CAMK1D: variants seen among roughly 807,000 people sequenced by gnomAD.
CAMK1D encodes calcium/calmodulin-dependent protein kinase type 1D.
In CAMK1D, 9 loss-of-function variants were observed where a neutral mutation model predicts 47.7. The ratio of observed to expected loss-of-function variants is 0.19; its 90% confidence interval spans 0.11 to 0.33. The LOEUF (loss-of-function observed/expected upper bound fraction) is 0.33, where lower values mean the gene tolerates loss of function less well. CAMK1D is among the 10% of genes least tolerant of loss of function. The pLI is 1.00. For missense variants in CAMK1D, 291 were observed against 488.7 expected (o/e 0.60, Z 3.81); for synonymous variants, 184 against 184.9 (o/e 0.99, Z 0.04).
At chr10:12,515,378 C>T (rs1003435454) in intron 1 of CAMK1D, among the ~76,000 whole-genome samples, 9 of 148,444 alleles carry the variant, frequency 6.1e-5, no homozygotes, top group Middle Eastern at 3.4e-3. Flanking sequence ...CTCTATAGTT[C>T]GCTTTGCCTA....
At chr10:12,578,159 C>T (rs931504690) in intron 2 of CAMK1D, among the ~76,000 whole-genome samples, 23 of 152,086 alleles carry the variant, frequency 1.5e-4, no homozygotes, top group African/African-American at 5.6e-4. Context: ...ACTGCAGCCT[C>T]GACCTCCCGG....
At position 12,477,908 on chromosome 10, in the gene CAMK1D, T is replaced by C. The variant is rs1588532138; in HGVS notation, c.93-75317T>C. Among the ~76,000 whole-genome samples the C allele has an allele frequency of 4.6e-5, 7 of 152,330 alleles. 1 individual carries two copies. Among genetic ancestry groups the C allele is most frequent in the Non-Finnish European group, 1.5e-5 (1 of 68,024 alleles). ...GTATGCTTTATTCCAGTCTTGTAGA[T>C]GGGATTCTTTCAGCACATTCTCTCC... On this transcript the variant is annotated intron_variant, in intron 1 of 10. Transcript: ENST00000619168.
chr10:12,534,147 C>CATCT (rs763173387), intron 1 of CAMK1D, among the ~76,000 whole-genome samples: 23 of 151,976 alleles, frequency 1.5e-4, no homozygotes, highest in African/African-American at 2.7e-4. Context: ...CAAACCTCCA[C>CATCT]ATCTATCTAT....
chr10:12,383,578 C>T (rs1040956571), intron 1 of CAMK1D, among the ~76,000 whole-genome samples: 1 of 152,142 alleles, frequency 6.6e-6, no homozygotes, highest in Non-Finnish European at 1.5e-5. Flanking sequence ...GTTATTTTCT[C>T]TTTCTTACCT....
intron 3 of CAMK1D, among the ~76,000 whole-genome samples, chr10:12,669,285 C>T (rs1369501638): frequency 1.3e-5 from 2 of 151,996 alleles, no homozygotes; most frequent in Non-Finnish European, 2.9e-5. Context: ...GGGGCACACT[C>T]ATTAAGAATT....
At chr10:12,550,599 T>C (rs1836545748) in intron 1 of CAMK1D, among the ~76,000 whole-genome samples, 1 of 152,244 alleles carries the variant, frequency 6.6e-6, no homozygotes, top group South Asian at 2.1e-4. Flanking sequence ...TGTATCCCTC[T>C]GTGATAAACC....
At chr10:12,767,471 C>G (rs1836820651) in intron 4 of CAMK1D, among the ~76,000 whole-genome samples, 1 of 152,164 alleles carries the variant, frequency 6.6e-6, no homozygotes, top group South Asian at 2.1e-4. Context: ...GCCACTGCGC[C>G]TAACCAGGTC....
At chr10:12,792,027 G>T (rs1178475747) in intron 6 of CAMK1D, among the ~76,000 whole-genome samples, 1 of 152,072 alleles carries the variant, frequency 6.6e-6, no homozygotes, top group Admixed American at 6.6e-5. Context: ...GGTGTGAAGT[G>T]GTATCTCATT....
intron 1 of CAMK1D, among the ~76,000 whole-genome samples, chr10:12,542,482 T>C (rs1374530199): frequency 6.6e-6 from 1 of 152,222 alleles, no homozygotes; most frequent in East Asian, 1.9e-4. Flanking sequence ...TTTCTTGGTC[T>C]AATTTGGGAT....
chr10:12,603,372 A>G (rs916446438), intron 2 of CAMK1D, among the ~76,000 whole-genome samples: 2 of 152,020 alleles, frequency 1.3e-5, no homozygotes, highest in African/African-American at 4.8e-5. Context: ...TTCCAGGTCA[A>G]CCCCGCCTCC....
chr10:12,774,721 G>C (rs186350273), intron 5 of CAMK1D, among the ~76,000 whole-genome samples: 2 of 152,234 alleles, frequency 1.3e-5, no homozygotes, highest in East Asian at 3.8e-4. Flanking sequence ...TCCTGCCTGA[G>C]CTCCGCCTCC....
intron 2 of CAMK1D, among the ~76,000 whole-genome samples, chr10:12,625,013 C>T (rs1839163968): frequency 6.6e-6 from 1 of 151,868 alleles, no homozygotes; most frequent in South Asian, 2.1e-4. Context: ...CCTCCTCCTC[C>T]TCCTCCTCCT....
At chr10:12,499,326 C>T (rs1332505155) in intron 1 of CAMK1D, among the ~76,000 whole-genome samples, 1 of 151,932 alleles carries the variant, frequency 6.6e-6, no homozygotes, top group Admixed American at 6.6e-5. Flanking sequence ...GGAGCAGATC[C>T]CTCTTTTCTC....
chr10:12,694,035 A>T lies in CAMK1D; in HGVS notation c.299+27225A>T, dbSNP rs866471536. ...TATTAAATATATATAATATATATAA[A>T]ATATACATATAATATATATTATATA... On this transcript the variant is annotated intron_variant, in intron 3 of 10. Transcript: ENST00000619168. Among the ~76,000 whole-genome samples, 13 of 65,684 alleles carry T rather than the reference A, an allele frequency of 2.0e-4. No homozygotes were observed. The South Asian group carries it at 2.0e-3, about 10-fold the overall frequency. The allele number at this position is 65,684 out of a possible 152,430, so 43.1% of individuals were successfully genotyped here. A position where few individuals can be genotyped will look rare whatever the true frequency, so the allele number is the denominator to read the frequency against.
At chr10:12,374,902 C>T (rs904689017) in intron 1 of CAMK1D, among the ~76,000 whole-genome samples, 1 of 141,108 alleles carries the variant, frequency 7.1e-6, no homozygotes, top group African/African-American at 2.6e-5. Context: ...AAGATCACGC[C>T]ATTGCACTCC....
intron 1 of CAMK1D, among the ~76,000 whole-genome samples, chr10:12,450,958 C>T (rs993588149): frequency 6.6e-6 from 1 of 152,126 alleles, no homozygotes; most frequent in Non-Finnish European, 1.5e-5. Flanking sequence ...TGCAGGCTCC[C>T]ACTGTGAGAA....
chr10:12,395,417 C>T (rs753403355), intron 1 of CAMK1D, among the ~76,000 whole-genome samples: 1 of 152,072 alleles, frequency 6.6e-6, no homozygotes, highest in Non-Finnish European at 1.5e-5. Flanking sequence ...TAGGGAATCT[C>T]AGCCACCAGT....
At chr10:12,429,807 T>C (rs1840380391) in intron 1 of CAMK1D, among the ~76,000 whole-genome samples, 1 of 152,146 alleles carries the variant, frequency 6.6e-6, no homozygotes, top group Non-Finnish European at 1.5e-5. Context: ...CCCAGGGAAG[T>C]TGCTGTGTGC....
intron 2 of CAMK1D, among the ~76,000 whole-genome samples, chr10:12,553,580 A>G (rs905628432): frequency 7.2e-5 from 11 of 152,342 alleles, no homozygotes; most frequent in Non-Finnish European, 1.0e-4. Context: ...CAAAGAGCAC[A>G]GCTGTCAGGC....
Sources: gnomAD v4.1 joint callset for allele counts (sites outside exome capture counted in the v4.1 genomes callset) on GRCh38, gnomAD v4.1.1 for gene constraint, MANE v1.5 for transcripts, NCBI Gene and HGNC (gene_info 2026-07-23, HGNC 2026-07-21) for gene names.